Variants in MAD1L1 observed in about 807,000 individuals in gnomAD.
MAD1L1 encodes the protein mitotic spindle assembly checkpoint protein MAD1.
Under a neutral mutation model 96.9 loss-of-function variants are expected in MAD1L1, and 95 were observed. That is an observed-to-expected ratio of 0.98 (90% confidence interval 0.83 to 1.16). MAD1L1 has a LOEUF of 1.16. Among genes scored for constraint, MAD1L1 ranks in the 50% most tolerant of loss-of-function variants. The pLI, the probability that MAD1L1 is intolerant of heterozygous loss-of-function variation, is 0.00. For synonymous variants in MAD1L1, 473 were observed against 396.6 expected (o/e 1.19, Z -2.29); for missense variants, 1,007 against 954.4 (o/e 1.06, Z -0.73).
At chr7:1,997,678 C>CTGGA (rs1441752260) in intron 14 of MAD1L1, among the ~76,000 whole-genome samples, 1 of 152,256 alleles carries the variant, frequency 6.6e-6, no homozygotes, top group Non-Finnish European at 1.5e-5. Flanking sequence ...AAGGGGCAAC[C>CTGGA]TGGAGCCCAG....
chr7:1,909,527 G>A lies in MAD1L1; in HGVS notation c.1808-11137C>T, dbSNP rs528366034. Among the ~76,000 whole-genome samples the A allele has an allele frequency of 2.0e-5, 3 of 152,342 alleles. No individual in the cohort carries two copies. The South Asian group carries it at 6.2e-4, about 32-fold the overall frequency. ...GTCCTGGCTGGCTCTGCAAGAGACT[G>A]TAGGAGGTGGGGACGCACCTGTAGG... On this transcript the variant is annotated intron_variant, in intron 17 of 18. Coordinates refer to ENST00000265854, the MANE Select transcript of MAD1L1 (RefSeq NM_001013836.2).
intron 11 of MAD1L1, among the ~76,000 whole-genome samples, chr7:2,104,353 C>T (rs368268241): frequency 1.6e-4 from 25 of 152,356 alleles, no homozygotes; most frequent in African/African-American, 5.5e-4. Flanking sequence ...CGCCCCTCCG[C>T]GAAGGAGAGC....
intron 10 of MAD1L1, among the ~76,000 whole-genome samples, chr7:2,173,514 G>A (rs1002464153): frequency 3.3e-5 from 5 of 152,180 alleles, no homozygotes; most frequent in African/African-American, 1.2e-4. Flanking sequence ...TCTGTTTATC[G>A]CTCATTCCAC....
At chr7:1,939,175 G>T (rs1778811171) in intron 16 of MAD1L1, among the ~76,000 whole-genome samples, 1 of 117,304 alleles carries the variant, frequency 8.5e-6, no homozygotes. Context: ...ATACGGGCCA[G>T]GGCCAGGACC....
intron 10 of MAD1L1, among the ~76,000 whole-genome samples, chr7:2,184,641 G>A (rs987392362): frequency 1.3e-5 from 2 of 152,160 alleles, no homozygotes; most frequent in African/African-American, 2.4e-5. Context: ...GGCAGCTACT[G>A]GGAAACAACC....
At chr7:2,102,281 C>T (rs1305360282) in intron 11 of MAD1L1, among the ~76,000 whole-genome samples, 2 of 150,674 alleles carry the variant, frequency 1.3e-5, no homozygotes, top group Non-Finnish European at 3.0e-5. Context: ...CTATCACCAC[C>T]ACCACCGCCA....
At chr7:1,949,214 G>A (rs1044650852) in intron 16 of MAD1L1, among the ~76,000 whole-genome samples, 3 of 152,170 alleles carry the variant, frequency 2.0e-5, no homozygotes, top group Admixed American at 6.5e-5. Context: ...TCTGAGCCTC[G>A]ATCTGCTGTC....
At chr7:2,008,281 G>A (rs1172676619) in intron 13 of MAD1L1, among the ~76,000 whole-genome samples, 1 of 152,226 alleles carries the variant, frequency 6.6e-6, no homozygotes, top group African/African-American at 2.4e-5. Flanking sequence ...GTCTCGGTAG[G>A]GTTCCTCCAG....
chr7:2,044,073 G>A (rs575529041), intron 12 of MAD1L1, among the ~76,000 whole-genome samples: 36 of 152,364 alleles, frequency 2.4e-4, no homozygotes, highest in South Asian at 2.1e-3. Flanking sequence ...CAGCATGGGA[G>A]GACGAGCTGC....
At chr7:1,935,267 G>A (rs901462480) in intron 17 of MAD1L1, among the ~76,000 whole-genome samples, 3 of 152,256 alleles carry the variant, frequency 2.0e-5, no homozygotes, top group African/African-American at 7.2e-5. Context: ...ACCAGAAAGG[G>A]GGCTGGGGAC....
intron 18 of MAD1L1, among the ~76,000 whole-genome samples, chr7:1,865,986 C>A (rs1435771593): frequency 6.6e-6 from 1 of 152,232 alleles, no homozygotes; most frequent in Non-Finnish European, 1.5e-5. Context: ...CCGTGATGCG[C>A]CCCAGGGGAG....
chr7:1,983,852 T>C (rs1027020719), intron 14 of MAD1L1, among the ~76,000 whole-genome samples: 1 of 152,264 alleles, frequency 6.6e-6, no homozygotes, highest in Admixed American at 6.5e-5. Flanking sequence ...ATAATTCATA[T>C]GTTTTATTGG....
At chr7:1,858,898 G>A (rs1200263898) in intron 18 of MAD1L1, among the ~76,000 whole-genome samples, 1 of 152,228 alleles carries the variant, frequency 6.6e-6, no homozygotes, top group Non-Finnish European at 1.5e-5. Flanking sequence ...CCCAGGTCAG[G>A]GCAGGGGGCC....
At chr7:2,202,443 C>G (rs1477777403) in intron 10 of MAD1L1, among the ~76,000 whole-genome samples, 1 of 152,198 alleles carries the variant, frequency 6.6e-6, no homozygotes, top group Non-Finnish European at 1.5e-5. Flanking sequence ...ACACCACAGA[C>G]GCACAGGCCT....
chr7:2,182,419 G>A (rs1791245392), intron 10 of MAD1L1, among the ~76,000 whole-genome samples: 1 of 152,016 alleles, frequency 6.6e-6, no homozygotes, highest in Non-Finnish European at 1.5e-5. Flanking sequence ...TAGTTACTAT[G>A]GAAAATAGTT....
intron 10 of MAD1L1, among the ~76,000 whole-genome samples, chr7:2,199,999 G>C (rs1049121140): frequency 6.6e-6 from 1 of 152,226 alleles, no homozygotes; most frequent in African/African-American, 2.4e-5. Context: ...CACTCACAAA[G>C]GCCCGAGGGC....
At chr7:1,975,490 G>A (rs1037563154) in intron 15 of MAD1L1, among the ~76,000 whole-genome samples, 7 of 152,148 alleles carry the variant, frequency 4.6e-5, no homozygotes, top group Admixed American at 6.5e-5. Flanking sequence ...GGCTGGGCAC[G>A]GTGAGCTCAA....
At chr7:2,167,087 C>T (rs778264969) in intron 10 of MAD1L1, among the ~76,000 whole-genome samples, 2 of 152,322 alleles carry the variant, frequency 1.3e-5, no homozygotes, top group Middle Eastern at 6.8e-3. Context: ...TGGACAGTGG[C>T]ATCGCAGATA....
At chr7:2,104,442 C>T (rs946161576) in intron 11 of MAD1L1, among the ~76,000 whole-genome samples, 1 of 152,258 alleles carries the variant, frequency 6.6e-6, no homozygotes, top group Non-Finnish European at 1.5e-5. Flanking sequence ...GATCCCTGAC[C>T]CGCATGTCAA....
Sources: gnomAD v4.1 joint callset for allele counts (sites outside exome capture counted in the v4.1 genomes callset) on GRCh38, gnomAD v4.1.1 for gene constraint, MANE v1.5 for transcripts, NCBI Gene and HGNC (gene_info 2026-07-23, HGNC 2026-07-21) for gene names.